Variants in FMN2 observed in about 807,000 individuals in gnomAD.
The protein encoded by FMN2 is formin 2.
Under a neutral mutation model 142.3 loss-of-function variants are expected in FMN2, and 51 were observed. That is an observed-to-expected ratio of 0.36 (90% CI 0.29 to 0.45). The LOEUF (loss-of-function observed/expected upper bound fraction) is 0.45, where lower values mean the gene tolerates loss of function less well. Ranked by LOEUF, FMN2 falls within the 20% of genes least tolerant of loss-of-function variation. FMN2 has a pLI of 1.00. For synonymous variants in FMN2, 882 were observed against 869.8 expected, an observed-to-expected ratio of 1.01 and a Z score of -0.25; for missense variants, 1,936 against 2,122.8, an observed-to-expected ratio of 0.91 and a Z score of 1.73.
At chr1:240,418,293 G>A (rs1046154269) in intron 15 of FMN2, among the ~76,000 whole-genome samples, 7 of 149,960 alleles carry the variant, frequency 4.7e-5, no homozygotes, top group South Asian at 4.2e-4. Flanking sequence ...TCCACCTCCC[G>A]GGTTCAAGTG....
intron 2 of FMN2, chr1:240,144,628 A>G: frequency 5.4e-6 from 7 of 1,288,576 alleles, no homozygotes; most frequent in South Asian, 1.2e-5. Flanking sequence ...CCAGGGCACA[A>G]CGCAGTAGGA....
At chr1:240,182,442 C>G (rs950803307) in intron 3 of FMN2, among the ~76,000 whole-genome samples, 1 of 152,084 alleles carries the variant, frequency 6.6e-6, no homozygotes, top group Admixed American at 6.6e-5. Flanking sequence ...AATATGGTAG[C>G]TGACTTCCTA....
intron 14 of FMN2, among the ~76,000 whole-genome samples, chr1:240,381,682 G>C (rs1287007097): frequency 6.6e-6 from 1 of 152,188 alleles, no homozygotes; most frequent in South Asian, 2.1e-4. Flanking sequence ...TGCCTGCCTG[G>C]GTCTCCCAAA....
intron 15 of FMN2, among the ~76,000 whole-genome samples, chr1:240,416,861 G>A (rs377029641): frequency 6.0e-5 from 9 of 150,812 alleles, no homozygotes; most frequent in African/African-American, 7.3e-5. Context: ...GGCTTTGTCC[G>A]TTGTATGAAT....
intron 2 of FMN2, 22 bp downstream of exon 2, chr1:240,123,367 T>G (rs1281570135): frequency 1.2e-6 from 2 of 1,604,470 alleles, no homozygotes; most frequent in Non-Finnish European, 1.7e-6. Flanking sequence ...AATTCACTTC[T>G]GTCCGTGAGG....
chr1:240,272,378 G>T (rs2102922342), intron 7 of FMN2, among the ~76,000 whole-genome samples: 2 of 151,174 alleles, frequency 1.3e-5, no homozygotes, highest in East Asian at 4.0e-4. Flanking sequence ...TTTGCAAAAA[G>T]ATTCCTTTGG....
chr1:240,396,071 C>T (rs1673760249), intron 15 of FMN2, among the ~76,000 whole-genome samples: 1 of 152,174 alleles, frequency 6.6e-6, no homozygotes, highest in Non-Finnish European at 1.5e-5. Flanking sequence ...GATATTAAGT[C>T]ACTGAAGACT....
At chr1:240,411,486 G>A (rs889911676) in intron 15 of FMN2, among the ~76,000 whole-genome samples, 8 of 151,644 alleles carry the variant, frequency 5.3e-5, no homozygotes, top group East Asian at 1.9e-4. Flanking sequence ...CAGGAGAATC[G>A]CTTGAACCTG....
chr1:240,337,557 G>A (rs1367236752), intron 13 of FMN2, among the ~76,000 whole-genome samples: 2 of 152,084 alleles, frequency 1.3e-5, no homozygotes, highest in Non-Finnish European at 2.9e-5. Context: ...TTAGAAAATA[G>A]GATAACGTAT....
At chr1:240,196,271 C>A (rs1049611982) in intron 4 of FMN2, among the ~76,000 whole-genome samples, 2 of 152,166 alleles carry the variant, frequency 1.3e-5, no homozygotes, top group African/African-American at 4.8e-5. Flanking sequence ...AGCTATTAAA[C>A]TCTCAAAGTA....
At chr1:240,166,308 C>A (rs1033377818) in intron 2 of FMN2, among the ~76,000 whole-genome samples, 11 of 152,008 alleles carry the variant, frequency 7.2e-5, no homozygotes, top group African/African-American at 7.2e-5. Context: ...TGGCTCACTG[C>A]AAACTCTGCC....
Position 240,107,099 on chromosome 1 carries a change from G to T in FMN2, c.1615+13375G>T, listed in dbSNP as rs538709479. Among the ~76,000 whole-genome samples, 22 of 151,952 alleles carry T rather than the reference G, an allele frequency of 1.4e-4. 1 individual carries two copies. Among genetic ancestry groups the T allele is most frequent in the Admixed American group, 6.6e-4 (10 of 15,256 alleles). On this transcript the variant is annotated intron_variant, in intron 1 of 17. Coordinates refer to ENST00000319653, the MANE Select transcript of FMN2 (RefSeq NM_020066.5). Reference sequence around the variant, plus strand: ...TCAAGCAGAAGACTGAATGTGTTCAGGATGAAGGAGCTAGATGTGATAGCA... The same window carrying T: ...TCAAGCAGAAGACTGAATGTGTTCATGATGAAGGAGCTAGATGTGATAGCA...
At chr1:240,383,034 T>A (rs2103084306) in intron 14 of FMN2, among the ~76,000 whole-genome samples, 1 of 152,272 alleles carries the variant, frequency 6.6e-6, no homozygotes, top group East Asian at 1.9e-4. Context: ...ATTCAATAAA[T>A]GGTGCTAGGA....
Position 240,340,530 on chromosome 1 carries a change from A to G in FMN2, c.4765+6301A>G, listed in dbSNP as rs981376989. On this transcript the variant is annotated intron_variant, in intron 13 of 17. Coordinates refer to ENST00000319653, the MANE Select transcript of FMN2 (RefSeq NM_020066.5). Reference sequence around the variant, plus strand: ...TGGAAGGCAGAGTTTGCAGTGAGTGAAGATTGTACCACTGCACTCCAGCCT... The same window carrying G: ...TGGAAGGCAGAGTTTGCAGTGAGTGGAGATTGTACCACTGCACTCCAGCCT... Among the ~76,000 whole-genome samples, 7 of 152,098 alleles carry G rather than the reference A, an allele frequency of 4.6e-5. 1 individual carries two copies. Among genetic ancestry groups the G allele is most frequent in the Admixed American group, 3.3e-4 (5 of 15,270 alleles).
chr1:240,395,597 G>A lies in FMN2; in HGVS notation c.4910+3035G>A, dbSNP rs148367817. On this transcript the variant is annotated intron_variant, in intron 15 of 17. Transcript: ENST00000319653. ...AAGTTAATTGTAACCCTCACAGATG[G>A]TTTTGAGGATTCCAAGACATCAGTG... is the stretch of plus-strand genomic sequence containing the variant. Among the ~76,000 whole-genome samples the A allele has an allele frequency of 1.7e-3, 255 of 152,270 alleles. 2 individuals are homozygous for A. Among genetic ancestry groups the A allele is most frequent in the African/African-American group, 6.0e-3 (249 of 41,546 alleles).
chr1:240,325,057 G>A (rs977795621), intron 8 of FMN2, among the ~76,000 whole-genome samples: 2 of 152,084 alleles, frequency 1.3e-5, no homozygotes, highest in Non-Finnish European at 2.9e-5. Context: ...GAATGAAAAG[G>A]GATATGTTTT....
At chr1:240,467,872 C>A (rs1423186676) in intron 16 of FMN2, among the ~76,000 whole-genome samples, 1 of 152,164 alleles carries the variant, frequency 6.6e-6, no homozygotes, top group Non-Finnish European at 1.5e-5. Flanking sequence ...CCATTATCTA[C>A]CATTTAGTGT....
intron 1 of FMN2, among the ~76,000 whole-genome samples, chr1:240,111,259 T>A (rs1407975256): frequency 2.0e-5 from 3 of 152,094 alleles, no homozygotes; most frequent in African/African-American, 7.2e-5. Context: ...ATCAGTGTTA[T>A]CGGAAAGGGG....
At position 240,102,777 on chromosome 1, in the gene FMN2, A is replaced by G. The variant is rs984865972; in HGVS notation, c.1615+9053A>G. Among the ~76,000 whole-genome samples the G allele has an allele frequency of 3.3e-5, 5 of 152,158 alleles. No homozygotes were observed. The South Asian group carries it at 8.3e-4, about 25-fold the overall frequency. ...TTTGGGGATAGGCAGAGAGGGTTGT[A>G]TAAGAACTGCAGTGATTTAAGTGGA... On this transcript the variant is annotated intron_variant, in intron 1 of 17. Transcript: ENST00000319653.
Sources: gnomAD v4.1 joint callset for allele counts (sites outside exome capture counted in the v4.1 genomes callset) on GRCh38, gnomAD v4.1.1 for gene constraint, MANE v1.5 for transcripts, NCBI Gene and HGNC (gene_info 2026-07-23, HGNC 2026-07-21) for gene names.